Variants in KCNJ3 observed in about 807,000 individuals in gnomAD.
KCNJ3 encodes the protein potassium inwardly rectifying channel subfamily J member 3.
KCNJ3 carries 4 observed loss-of-function variants against 39.2 expected under a neutral mutation model. The ratio of observed to expected loss-of-function variants is 0.10; its 90% CI spans 0.05 to 0.23. The LOEUF (loss-of-function observed/expected upper bound fraction) is 0.23. Among genes scored for constraint, KCNJ3 ranks in the 10% least tolerant of loss-of-function variants. KCNJ3 has a pLI of 1.00. For missense variants in KCNJ3, 276 were observed against 634.9 expected, an observed-to-expected ratio of 0.43 and a Z score of 6.08; for synonymous variants, 230 against 237.4, an observed-to-expected ratio of 0.97 and a Z score of 0.29.
At chr2:154,797,936 C>CT (rs1686748990) in intron 2 of KCNJ3, among the ~76,000 whole-genome samples, 2 of 152,040 alleles carry the variant, frequency 1.3e-5, no homozygotes, top group Non-Finnish European at 2.9e-5. Context: ...CAGCAGATCT[C>CT]TAAAGCATAT....
intron 2 of KCNJ3, among the ~76,000 whole-genome samples, chr2:154,846,128 C>T (rs1055510021): frequency 6.6e-6 from 1 of 152,076 alleles, no homozygotes; most frequent in Non-Finnish European, 1.5e-5. Context: ...CAAATTTGTT[C>T]AGAGCAGGCC....
intron 2 of KCNJ3, among the ~76,000 whole-genome samples, chr2:154,713,418 G>A (rs540922557): frequency 2.6e-5 from 4 of 152,152 alleles, no homozygotes; most frequent in East Asian, 1.9e-4. Flanking sequence ...GCAGTGTGCC[G>A]GTGGTAAGAA....
intron 2 of KCNJ3, among the ~76,000 whole-genome samples, chr2:154,815,952 GT>G (rs1687077248): frequency 6.6e-6 from 1 of 152,116 alleles, no homozygotes; most frequent in South Asian, 2.1e-4. Flanking sequence ...ATATAAATGT[GT>G]GTCCCACCAT....
chr2:154,702,524 GT>G (rs946597144), intron 1 of KCNJ3, among the ~76,000 whole-genome samples: 66 of 151,942 alleles, frequency 4.3e-4, no homozygotes, highest in African/African-American at 1.5e-3. Flanking sequence ...TTTGATGGAA[GT>G]TTTTTGTAAA....
In KCNJ3 at chr2:154,789,863, G is replaced by A. The variant is rs552955677; in HGVS notation, c.920-64864G>A. Among the ~76,000 whole-genome samples, 4 of 152,102 alleles carry A rather than the reference G, an allele frequency of 2.6e-5. No homozygotes were observed. In the South Asian group the frequency reaches 6.2e-4, roughly 24 times the overall value. ...AAAATGGTGCAATGGGGAGAATAAG[G>A]ATTTGCAACAAAGAGAATTTGAGGC... On this transcript the variant is annotated intron_variant, in intron 2 of 2. Coordinates refer to ENST00000295101, the MANE Select transcript of KCNJ3 (RefSeq NM_002239.4).
intron 1 of KCNJ3, among the ~76,000 whole-genome samples, chr2:154,701,712 A>C (rs73019263): frequency 6.6e-6 from 1 of 152,088 alleles, no homozygotes; most frequent in Non-Finnish European, 1.5e-5. Flanking sequence ...ATTCTTATAA[A>C]GTCTTTTACT....
chr2:154,715,166 C>A (rs921943707), intron 2 of KCNJ3, among the ~76,000 whole-genome samples: 1 of 152,200 alleles, frequency 6.6e-6, no homozygotes. Context: ...GCCCACATCA[C>A]GGTACTTCTA....
chr2:154,737,857 C>A (rs1321808403), intron 2 of KCNJ3, among the ~76,000 whole-genome samples: 2 of 151,874 alleles, frequency 1.3e-5, no homozygotes, highest in Non-Finnish European at 2.9e-5. Context: ...AAACAGTGGC[C>A]ACAAATTTTC....
At chr2:154,753,003 G>C (rs950467559) in intron 2 of KCNJ3, among the ~76,000 whole-genome samples, 1 of 152,024 alleles carries the variant, frequency 6.6e-6, no homozygotes, top group Non-Finnish European at 1.5e-5. Flanking sequence ...TTAGGTATCA[G>C]TTATTGTTCT....
At chr2:154,783,684 C>G (rs67354756) in intron 2 of KCNJ3, among the ~76,000 whole-genome samples, 39,394 of 152,084 alleles carry the variant, frequency 0.26, 5,606 homozygotes, top group Middle Eastern at 0.35. Context: ...ATAATTTTCC[C>G]AAGTTGGCAC....
chr2:154,746,640 GTGTA>G (rs1264764631), intron 2 of KCNJ3, among the ~76,000 whole-genome samples: 1 of 77,534 alleles, frequency 1.3e-5, no homozygotes, highest in East Asian at 2.9e-4. Flanking sequence ...ATGTATATAT[GTGTA>G]TATATATGTG....
chr2:154,755,178 C>A (rs1179121317), intron 2 of KCNJ3, among the ~76,000 whole-genome samples: 1 of 151,972 alleles, frequency 6.6e-6, no homozygotes, highest in Non-Finnish European at 1.5e-5. Context: ...TAAAGTTTTT[C>A]AGAGAATAAA....
intron 2 of KCNJ3, among the ~76,000 whole-genome samples, chr2:154,794,385 T>A (rs1436690391): frequency 6.6e-6 from 1 of 152,016 alleles, no homozygotes; most frequent in African/African-American, 2.4e-5. Flanking sequence ...TTTTCAATTT[T>A]AAGTAGAAAC....
intron 2 of KCNJ3, among the ~76,000 whole-genome samples, chr2:154,824,811 T>C (rs1687241744): frequency 6.6e-6 from 1 of 152,210 alleles, no homozygotes. Context: ...AACTAGAAGA[T>C]GGCTTATATA....
intron 2 of KCNJ3, among the ~76,000 whole-genome samples, chr2:154,773,448 G>C (rs1686276597): frequency 6.6e-6 from 1 of 152,086 alleles, no homozygotes; most frequent in South Asian, 2.1e-4. Context: ...GCAACTTTAA[G>C]ATATTGGGTA....
chr2:154,774,489 G>A (rs1265603204), intron 2 of KCNJ3, among the ~76,000 whole-genome samples: 1 of 151,864 alleles, frequency 6.6e-6, no homozygotes, highest in Non-Finnish European at 1.5e-5. Flanking sequence ...AAAAGATGAT[G>A]TAATTTTTGA....
At chr2:154,854,451 G>C (rs1279532023) in intron 2 of KCNJ3, among the ~76,000 whole-genome samples, 1 of 152,040 alleles carries the variant, frequency 6.6e-6, no homozygotes, top group Non-Finnish European at 1.5e-5. Flanking sequence ...ATTATTCTAT[G>C]CTACTTTTGC....
At chr2:154,775,002 T>C (rs1479945016) in intron 2 of KCNJ3, among the ~76,000 whole-genome samples, 2 of 152,140 alleles carry the variant, frequency 1.3e-5, no homozygotes, top group Admixed American at 6.6e-5. Context: ...GCAGTCTCTC[T>C]ACCTCCTTGG....
chr2:154,780,202 G>A (rs1041742734), intron 2 of KCNJ3, among the ~76,000 whole-genome samples: 1 of 152,096 alleles, frequency 6.6e-6, no homozygotes, highest in Non-Finnish European at 1.5e-5. Context: ...AAATGCAGGA[G>A]GCAGCCTGGT....
Sources: allele counts gnomAD v4.1 joint callset (sites outside exome capture counted in the v4.1 genomes callset), GRCh38; gene constraint gnomAD v4.1.1; transcripts MANE v1.5; gene names NCBI Gene and HGNC (gene_info 2026-07-23, HGNC 2026-07-21).